The following RWDD4 variants were observed in gnomAD, a reference collection of about 807,000 sequenced individuals.
The protein encoded by RWDD4 is RWD domain-containing protein 4.
A neutral mutation model predicts 30.0 loss-of-function variants in RWDD4; 16 were observed. The ratio of observed to expected loss-of-function variants is 0.53; its 90% CI spans 0.36 to 0.81. The LOEUF is 0.81. Among genes scored for constraint, RWDD4 ranks in the 30% least tolerant of loss-of-function variants. The probability of loss-of-function intolerance (pLI) is 0.00; values close to 1 mark genes in which losing one functional copy is unlikely to be tolerated. For missense variants in RWDD4, 170 were observed against 223.9 expected (o/e 0.76, Z 1.54); for synonymous variants, 45 against 72.1 (o/e 0.62, Z 1.90).
intron 7 of RWDD4, among the ~76,000 whole-genome samples, chr4:183,643,824 A>C (rs1011953054): frequency 6.6e-6 from 1 of 152,212 alleles, no homozygotes; most frequent in Non-Finnish European, 1.5e-5. Flanking sequence ...AGGCTGAGGC[A>C]GGAGAATCAC....
chr4:183,645,658 A>T (rs1196876858), intron 7 of RWDD4, among the ~76,000 whole-genome samples: 1 of 151,698 alleles, frequency 6.6e-6, no homozygotes, highest in Non-Finnish European at 1.5e-5. Flanking sequence ...GATCCCAGCT[A>T]GTCAGGAGGC....
intron 2 of RWDD4, among the ~76,000 whole-genome samples, chr4:183,655,269 A>G (rs1734163905): frequency 6.6e-6 from 1 of 151,828 alleles, no homozygotes; most frequent in Non-Finnish European, 1.5e-5. Context: ...TAAAAGGTTT[A>G]TATGACTTAT....
At chr4:183,643,906 G>A (rs952428932) in intron 7 of RWDD4, among the ~76,000 whole-genome samples, 5 of 152,070 alleles carry the variant, frequency 3.3e-5, no homozygotes, top group South Asian at 2.1e-4. Context: ...CAACAAGTGC[G>A]AAACTCCGTC....
intron 1 of RWDD4, chr4:183,656,184 T>G (rs1283259275): frequency 8.0e-6 from 3 of 376,098 alleles, no homozygotes; most frequent in Non-Finnish European, 1.4e-5. Flanking sequence ...CACTGTACAA[T>G]GTATGATCGC....
At chr4:183,654,864 A>T (rs1734152599) in intron 2 of RWDD4, among the ~76,000 whole-genome samples, 1 of 152,200 alleles carries the variant, frequency 6.6e-6, no homozygotes, top group African/African-American at 2.4e-5. Flanking sequence ...CTAATAGTTT[A>T]AACTGTGACA....
At chr4:183,650,238 T>C (rs1161384477) in intron 4 of RWDD4, among the ~76,000 whole-genome samples, 1 of 152,144 alleles carries the variant, frequency 6.6e-6, no homozygotes, top group African/African-American at 2.4e-5. Flanking sequence ...AGTGGTGCAG[T>C]GATGTGAACC....
chr4:183,641,029 A>T lies in RWDD4; in HGVS notation c.*407T>A, dbSNP rs1296233171. The T allele has an allele frequency of 6.0e-6, 1 of 167,242 alleles. No homozygotes were observed. Among genetic ancestry groups the T allele is most frequent in the East Asian group, 1.8e-4 (1 of 5,636 alleles). 10.4% of individuals were successfully genotyped at this position (167,242 alleles called of 1,614,324 possible). A position where few individuals can be genotyped will look rare whatever the true frequency, so the allele number is the denominator to read the frequency against. ...TAAGAGAAGAAGCCTATTAATATGGATTGCACTATGGAGTAACTGTTCACT... is the reference window on the plus strand; with the variant it reads ...TAAGAGAAGAAGCCTATTAATATGGTTTGCACTATGGAGTAACTGTTCACT... On this transcript the variant is annotated 3_prime_UTR_variant, in exon 8 of 8. Coordinates refer to ENST00000326397, the MANE Select transcript of RWDD4 (RefSeq NM_152682.4).
intron 4 of RWDD4, 127 bp from the exon 5 acceptor site, chr4:183,649,695 G>T (rs1204912445): frequency 4.0e-6 from 2 of 495,330 alleles, no homozygotes; most frequent in Non-Finnish European, 7.1e-6. Flanking sequence ...ATATTATTAT[G>T]ATTCATTTTT....
chr4:183,649,911 T>C (rs1734041489), intron 4 of RWDD4, among the ~76,000 whole-genome samples: 1 of 152,240 alleles, frequency 6.6e-6, no homozygotes, highest in Admixed American at 6.5e-5. Flanking sequence ...ACCTTTTTTT[T>C]TCTTTACAGA....
chr4:183,639,932 CAAAGT>C lies in RWDD4; in HGVS notation c.*1499_*1503del, dbSNP rs1259253122. On this transcript the variant is annotated 3_prime_UTR_variant, in exon 8 of 8. Coordinates refer to ENST00000326397, the MANE Select transcript of RWDD4 (RefSeq NM_152682.4). ...CAATTTCAGTCTCTTCAGAGCAAAA[CAAAGT>C]ATTTTATTCCACTAGCAGATGTTTC... 1 of 151,932 alleles carries C rather than the reference CAAAGT, an allele frequency of 6.6e-6. No individual in the cohort carries two copies. Among genetic ancestry groups the C allele is most frequent in the African/African-American group, 2.4e-5 (1 of 41,358 alleles). The allele number at this position is 151,932 out of a possible 1,614,324, so 9.4% of individuals were successfully genotyped here.
chr4:183,648,319 C>T (rs1220881017), intron 5 of RWDD4, among the ~76,000 whole-genome samples: 1 of 151,392 alleles, frequency 6.6e-6, no homozygotes, highest in East Asian at 1.9e-4. Flanking sequence ...ACTTTTTAAC[C>T]TGACATAGTA....
chr4:183,643,415 C>CAAAAAAAAAAAAAAAAAAAAAAA lies in RWDD4; in HGVS notation c.535-1970_535-1948dup, dbSNP rs56730708. ...TGAGTGACAGAGCAAGACTCTATCT[C>CAAAAAAAAAAAAAAAAAAAAAAA]AAAAAAAAAAAAAAAAAAAAAAAAA... is the stretch of plus-strand genomic sequence containing the variant. On this transcript the variant is annotated intron_variant, in intron 7 of 7. Coordinates refer to ENST00000326397, the MANE Select transcript of RWDD4 (RefSeq NM_152682.4). 4.4e-4 allele frequency among the ~76,000 whole-genome samples: 10 copies of CAAAAAAAAAAAAAAAAAAAAAAA among 22,666 alleles called. 1 individual carries two copies. The highest frequency in any genetic ancestry group is 1.7e-3 in the East Asian group (2 of 1,176). The allele number at this position is 22,666 out of a possible 152,430, so 14.9% of individuals were successfully genotyped here.
intron 2 of RWDD4, among the ~76,000 whole-genome samples, chr4:183,651,787 A>G (rs1734081533): frequency 6.6e-6 from 1 of 152,224 alleles, no homozygotes; most frequent in Admixed American, 6.5e-5. Context: ...GAAATTTAAA[A>G]CTGAGAGAAA....
chr4:183,655,411 A>G (rs564414920), intron 2 of RWDD4, among the ~76,000 whole-genome samples: 1 of 151,672 alleles, frequency 6.6e-6, no homozygotes, highest in East Asian at 2.0e-4. Flanking sequence ...CCTCCCGAGT[A>G]GCTGGGACTA....
chr4:183,651,368 A>G (rs1162592616), intron 2 of RWDD4, 41 bp from the exon 3 acceptor site: 8 of 1,415,504 alleles, frequency 5.7e-6, no homozygotes, highest in Non-Finnish European at 6.9e-6. Context: ...AAAGGTGATA[A>G]AAAGACAGAA....
intron 1 of RWDD4, among the ~76,000 whole-genome samples, chr4:183,657,251 C>CA (rs1366535902): frequency 1.5e-4 from 22 of 150,612 alleles, no homozygotes; most frequent in Admixed American, 3.3e-4. Context: ...ACAGAAAAAA[C>CA]AAAAAAAAAC....
intron 1 of RWDD4, among the ~76,000 whole-genome samples, chr4:183,658,221 A>G (rs1734253975): frequency 6.6e-6 from 1 of 152,166 alleles, no homozygotes; most frequent in African/African-American, 2.4e-5. Context: ...TCTACCACCC[A>G]ATAAGACCTG....
rs1561007469 is a variant in RWDD4 at position 183,641,488 on chromosome 4, AATAGTCAAC to A, written c.535-29_535-21del. On this transcript the variant is annotated intron_variant, in intron 7 of 7. Coordinates refer to ENST00000326397, the MANE Select transcript of RWDD4 (RefSeq NM_152682.4). ...GCTTAACTATAAAAAAAAGAGAGAAAATAGTCAACAAGTGGTATTTTCTGAGTTCACTAT... is the reference window on the plus strand; with the variant it reads ...GCTTAACTATAAAAAAAAGAGAGAAAAAGTGGTATTTTCTGAGTTCACTAT... 1.3e-6 allele frequency: 2 copies of A among 1,586,212 alleles called. No homozygotes were observed. Among genetic ancestry groups the A allele is most frequent in the Non-Finnish European group, 8.6e-7 (1 of 1,157,234 alleles).
At chr4:183,649,121 G>GA (rs888997754) in intron 5 of RWDD4, among the ~76,000 whole-genome samples, 29 of 149,812 alleles carry the variant, frequency 1.9e-4, no homozygotes, top group East Asian at 4.0e-4. Flanking sequence ...GGTTATAAAA[G>GA]AAAAAAAAAC....
Sources: gnomAD v4.1 joint callset for allele counts (sites outside exome capture counted in the v4.1 genomes callset) on GRCh38, gnomAD v4.1.1 for gene constraint, MANE v1.5 for transcripts, NCBI Gene and HGNC (gene_info 2026-07-23, HGNC 2026-07-21) for gene names.